Variants in H2BC18 observed in about 807,000 individuals in gnomAD.
H2BC18 encodes histone H2B type 2-F.
Under a neutral mutation model 6.3 loss-of-function variants are expected in H2BC18, and 8 were observed. The observed-to-expected ratio is 1.28, with a 90% confidence interval of 0.75 to 2.31. The LOEUF (loss-of-function observed/expected upper bound fraction) is 2.31. H2BC18 is among the 30% of genes most tolerant of loss of function. H2BC18 has a pLI of 0.00. For synonymous variants in H2BC18, 104 were observed against 78.1 expected (o/e 1.33, Z -1.75); for missense variants, 106 against 174.5 (o/e 0.61, Z 2.21).
Position 149,792,945 on chromosome 1 carries a change from C to A in H2BC18, c.378-9685G>T, listed in dbSNP as rs1277660064. ...GGGGCCGGCAGGTGTGAAAACCCGG[C>A]GGCAGAATGGAAGTTCGGTAGTCTG... On this transcript the variant is annotated intron_variant, in intron 1 of 1. Coordinates refer to the H2BC18 transcript ENST00000545683. The A allele has an allele frequency of 3.9e-6, 5 of 1,274,062 alleles. No homozygotes were observed. The African/African-American group carries it at 4.7e-5, about 12-fold the overall frequency. The allele number at this position is 1,274,062 out of a possible 1,614,324, so 78.9% of individuals were successfully genotyped here.
chr1:149,811,891 G>GA lies in H2BC18; in HGVS notation c.*51dup. On this transcript the variant is annotated 3_prime_UTR_variant, in exon 1 of 1. Coordinates refer to ENST00000369167, the MANE Select transcript of H2BC18 (RefSeq NM_001024599.5). ...CTTTCTCGATTACTGAAGTGGCTCT[G>GA]AAAAGAGCCTTTGGGGTTAGGTGGT... The GA allele has an allele frequency of 6.6e-7, 1 of 1,506,930 alleles. No individual in the cohort carries two copies. Among genetic ancestry groups the GA allele is most frequent in the Non-Finnish European group, 9.2e-7 (1 of 1,090,422 alleles). The allele number at this position is 1,506,930 out of a possible 1,614,324, so 93.3% of individuals were successfully genotyped here. A position where few individuals can be genotyped will look rare whatever the true frequency, so the allele number is the denominator to read the frequency against.
intron 1 of H2BC18, chr1:149,803,536 CTCTT>C (rs2091892215): frequency 6.6e-6 from 1 of 152,138 alleles, no homozygotes; most frequent in Non-Finnish European, 1.5e-5. Flanking sequence ...CTCTCCCCCT[CTCTT>C]TCTGTCTCAA....
At chr1:149,793,163 C>T (rs2091755864) in intron 1 of H2BC18, 1 of 1,279,464 alleles carries the variant, frequency 7.8e-7, no homozygotes, top group Admixed American at 2.3e-5. Flanking sequence ...ATTGGTAGAT[C>T]ACAGGAAACG....
downstream of H2BC18, chr1:149,811,702 A>C (rs2091976517): frequency 4.8e-6 from 3 of 629,772 alleles, no homozygotes; most frequent in Non-Finnish European, 8.3e-6. Flanking sequence ...CTCGTAGCAC[A>C]GATAACAAGC....
chr1:149,793,302 C>T (rs2091759368), intron 1 of H2BC18: 2 of 1,177,880 alleles, frequency 1.7e-6, no homozygotes, highest in Non-Finnish European at 2.1e-6. Context: ...CCGTCCAGCT[C>T]GGAGGACCTC....
chr1:149,807,450 C>T (rs2091927619), downstream of H2BC18, among the ~76,000 whole-genome samples: 1 of 144,596 alleles, frequency 6.9e-6, no homozygotes, highest in Non-Finnish European at 1.5e-5. Flanking sequence ...TGTAATCATG[C>T]CACTGCACTC....
chr1:149,793,197 C>G, intron 1 of H2BC18: 1 of 1,277,536 alleles, frequency 7.8e-7, no homozygotes, highest in Non-Finnish European at 1.0e-6. Flanking sequence ...GGGCTCCCAG[C>G]AGGCGCCCCA....
intron 1 of H2BC18, chr1:149,784,068 A>T: frequency 6.2e-7 from 1 of 1,611,014 alleles, no homozygotes; most frequent in Non-Finnish European, 8.5e-7. Context: ...GGAAACCGTA[A>T]CCTTGCACTG....
Position 149,789,996 on chromosome 1 carries a change from G to A in H2BC18, c.378-6736C>T, listed in dbSNP as rs587728006. 5.6e-6 allele frequency: 9 copies of A among 1,613,318 alleles called. No homozygotes were observed. The South Asian group carries it at 9.9e-5, about 18-fold the overall frequency. On this transcript the variant is annotated intron_variant, in intron 1 of 1. Coordinates refer to the H2BC18 transcript ENST00000545683. ...CAAGGGGGTAAAGGGCATGTCTTTT[G>A]TGAAAAGGACCTGGATGCTAAACAG...
chr1:149,806,631 A>C (rs1254009149), intron 1 of H2BC18, among the ~76,000 whole-genome samples: 2 of 152,062 alleles, frequency 1.3e-5, no homozygotes, highest in Non-Finnish European at 2.9e-5. Flanking sequence ...GAATACCAAG[A>C]AGTGAGGAAA....
chr1:149,788,471 A>G, intron 1 of H2BC18: 3 of 1,613,710 alleles, frequency 1.9e-6, no homozygotes, highest in Non-Finnish European at 2.5e-6. Context: ...GTGCTTTACT[A>G]TCGAAATGGC....
At chr1:149,800,225 T>C (rs587710932) in intron 1 of H2BC18, among the ~76,000 whole-genome samples, 2 of 152,368 alleles carry the variant, frequency 1.3e-5, no homozygotes, top group Admixed American at 1.3e-4. Context: ...GGAGCTTCCA[T>C]GCACCTCCAC....
chr1:149,790,046 C>G, intron 1 of H2BC18: 1 of 1,613,250 alleles, frequency 6.2e-7, no homozygotes, highest in Non-Finnish European at 8.5e-7. Context: ...CATCAACTTT[C>G]TCCTTAGAGC....
downstream of H2BC18, chr1:149,811,112 A>G (rs148590893): frequency 0.052 from 7,919 of 152,326 alleles, 260 homozygotes; most frequent in Non-Finnish European, 0.079. Context: ...TTAAATCCTG[A>G]AGGTTAGGGA....
At chr1:149,803,326 G>A (rs2091890500) in intron 1 of H2BC18, among the ~76,000 whole-genome samples, 1 of 152,110 alleles carries the variant, frequency 6.6e-6, no homozygotes. Flanking sequence ...CTATTCCTAG[G>A]TGTTTAAAAC....
At chr1:149,788,947 A>G (rs2091625466) in intron 1 of H2BC18, among the ~76,000 whole-genome samples, 1 of 151,924 alleles carries the variant, frequency 6.6e-6, no homozygotes, top group Non-Finnish European at 1.5e-5. Context: ...GAGAGTTAGA[A>G]AATAATACCA....
intron 1 of H2BC18, among the ~76,000 whole-genome samples, chr1:149,800,101 G>C (rs2091850035): frequency 6.6e-6 from 1 of 151,916 alleles, no homozygotes; most frequent in Non-Finnish European, 1.5e-5. Flanking sequence ...CCTTTGCATT[G>C]TATTAATTTG....
intron 1 of H2BC18, among the ~76,000 whole-genome samples, chr1:149,785,434 T>TTA (rs2091521160): frequency 7.0e-6 from 1 of 142,016 alleles, no homozygotes; most frequent in Admixed American, 7.0e-5. Context: ...TTTTTTTTTT[T>TTA]GAGACAGAGT....
At chr1:149,811,535 T>C (rs2101504825), downstream of H2BC18, 1 of 218,086 alleles carries the variant, frequency 4.6e-6, no homozygotes, top group Middle Eastern at 1.9e-3. Flanking sequence ...GGGTTTCTCA[T>C]CTGTATGGGA....
Sources: gnomAD v4.1 joint callset for allele counts (sites outside exome capture counted in the v4.1 genomes callset) on GRCh38, gnomAD v4.1.1 for gene constraint, MANE v1.5 for transcripts, NCBI Gene and HGNC (gene_info 2026-07-23, HGNC 2026-07-21) for gene names.